The following EXOC6B variants were observed in gnomAD, a reference collection of about 807,000 sequenced individuals.
The protein encoded by EXOC6B is exocyst complex component 6B, also known as SEC15 homolog B.
A neutral mutation model predicts 113.5 loss-of-function variants in EXOC6B; 54 were observed. That is an observed-to-expected ratio of 0.48 (90% CI 0.38 to 0.60). The LOEUF (loss-of-function observed/expected upper bound fraction) is 0.60. Among genes scored for constraint, EXOC6B ranks in the 20% least tolerant of loss-of-function variants. The pLI is 0.00. For synonymous variants in EXOC6B, 357 were observed against 339.0 expected, an observed-to-expected ratio of 1.05 and a Z score of -0.58; for missense variants, 797 against 977.5, an observed-to-expected ratio of 0.82 and a Z score of 2.46.
chr2:72,270,934 C>T (rs1487025022), intron 20 of EXOC6B, among the ~76,000 whole-genome samples: 1 of 152,130 alleles, frequency 6.6e-6, no homozygotes, highest in Non-Finnish European at 1.5e-5. Context: ...TAAATCTCTG[C>T]TCTTTGAATC....
intron 5 of EXOC6B, among the ~76,000 whole-genome samples, chr2:72,720,075 AGTG>A (rs1179545081): frequency 6.6e-6 from 1 of 152,220 alleles, no homozygotes; most frequent in African/African-American, 2.4e-5. Flanking sequence ...TTATAGCAGC[AGTG>A]ACCTCCAGTA....
chr2:72,754,584 T>G (rs1682279900), intron 1 of EXOC6B, among the ~76,000 whole-genome samples: 1 of 151,738 alleles, frequency 6.6e-6, no homozygotes, highest in Non-Finnish European at 1.5e-5. Context: ...TCTAGTTCTA[T>G]GTATTTCATT....
chr2:72,646,417 T>TA (rs1673718540), intron 6 of EXOC6B, among the ~76,000 whole-genome samples: 1 of 151,682 alleles, frequency 6.6e-6, no homozygotes, highest in East Asian at 1.9e-4. Context: ...TTCCAACCAA[T>TA]AAAAAAAGAG....
chr2:72,798,353 A>G (rs1417560538), intron 1 of EXOC6B, among the ~76,000 whole-genome samples: 1 of 152,042 alleles, frequency 6.6e-6, no homozygotes, highest in Non-Finnish European at 1.5e-5. Flanking sequence ...ACCTTAACCA[A>G]ATTCTAATTG....
intron 18 of EXOC6B, among the ~76,000 whole-genome samples, chr2:72,383,834 C>G (rs1384052108): frequency 6.6e-6 from 1 of 152,040 alleles, no homozygotes; most frequent in Non-Finnish European, 1.5e-5. Flanking sequence ...AGAATGAGAT[C>G]ATGTTCTTTG....
In EXOC6B at chr2:72,825,916, G is replaced by C. The variant is rs528707361; in HGVS notation, c.-6C>G. On this transcript the variant is annotated 5_prime_UTR_variant, in exon 1 of 22. Coordinates refer to ENST00000272427, the MANE Select transcript of EXOC6B (RefSeq NM_015189.3). This position sits in a 1 kb window ranked among gnomAD's most constrained non-coding sequence, Gnocchi z 4.4. ...GCCATCTTACCCCGCTCCATAGACT[G>C]GGGGCGCCCCGCAGCGCGTCCCCTC... is the stretch of plus-strand genomic sequence containing the variant. 1 of 1,611,510 alleles carries C rather than the reference G, an allele frequency of 6.2e-7. No homozygotes were observed. The highest frequency in any genetic ancestry group is 1.1e-5 in the South Asian group (1 of 91,040).
At chr2:72,372,354 T>C (rs1233533047) in intron 19 of EXOC6B, among the ~76,000 whole-genome samples, 1 of 152,150 alleles carries the variant, frequency 6.6e-6, no homozygotes, top group African/African-American at 2.4e-5. Context: ...AGACCTAGAA[T>C]GGCCAAAGCT....
intron 18 of EXOC6B, among the ~76,000 whole-genome samples, chr2:72,399,142 A>C (rs1250748431): frequency 6.6e-6 from 1 of 152,176 alleles, no homozygotes. Flanking sequence ...CAAAGATGCA[A>C]AGACAATTCA....
At chr2:72,417,330 G>T (rs1419113536) in intron 18 of EXOC6B, among the ~76,000 whole-genome samples, 1 of 152,072 alleles carries the variant, frequency 6.6e-6, no homozygotes, top group African/African-American at 2.4e-5. Context: ...GCTAATTTTT[G>T]TATTTTTAGT....
intron 20 of EXOC6B, among the ~76,000 whole-genome samples, chr2:72,235,343 G>A (rs760528929): frequency 7.2e-5 from 11 of 152,078 alleles, no homozygotes; most frequent in Non-Finnish European, 1.0e-4. Flanking sequence ...GCTCACTTAG[G>A]AGCTAAATAT....
At chr2:72,518,553 C>T (rs4144318) in intron 8 of EXOC6B, among the ~76,000 whole-genome samples, 126,176 of 151,446 alleles carry the variant, frequency 0.83, 53,480 homozygotes, top group East Asian at 0.99. Context: ...AAAGCTTCTT[C>T]GAAAAATGAT....
chr2:72,615,502 A>C (rs893698862), intron 6 of EXOC6B, among the ~76,000 whole-genome samples: 23 of 151,922 alleles, frequency 1.5e-4, no homozygotes, highest in African/African-American at 5.3e-4. Context: ...ATGGTCAAGT[A>C]ACATTTATGG....
At chr2:72,184,470 G>C (rs959730602) in intron 20 of EXOC6B, among the ~76,000 whole-genome samples, 1 of 152,016 alleles carries the variant, frequency 6.6e-6, no homozygotes, top group Admixed American at 6.6e-5. Flanking sequence ...AAACTAACAC[G>C]GGACTGAATC....
chr2:72,754,540 A>T (rs1371144670), intron 1 of EXOC6B, among the ~76,000 whole-genome samples: 1 of 151,736 alleles, frequency 6.6e-6, no homozygotes, highest in African/African-American at 2.4e-5. Context: ...GCCAAATTTA[A>T]TCTACAATAA....
chr2:72,785,014 C>T (rs1295182492), intron 1 of EXOC6B, among the ~76,000 whole-genome samples: 1 of 152,176 alleles, frequency 6.6e-6, no homozygotes, highest in Non-Finnish European at 1.5e-5. Context: ...TGGGTAAATG[C>T]AGCCATTCCA....
chr2:72,735,388 T>A (rs764946790), intron 2 of EXOC6B, among the ~76,000 whole-genome samples: 11 of 152,230 alleles, frequency 7.2e-5, no homozygotes, highest in Non-Finnish European at 1.5e-4. Flanking sequence ...TCTCTTGTTT[T>A]CTATTCAATT....
intron 6 of EXOC6B, among the ~76,000 whole-genome samples, chr2:72,611,933 C>CA (rs1370391069): frequency 1.3e-5 from 2 of 151,950 alleles, no homozygotes; most frequent in South Asian, 2.1e-4. Flanking sequence ...ACTATACTGA[C>CA]AAAAAAGCAT....
intron 6 of EXOC6B, among the ~76,000 whole-genome samples, chr2:72,713,491 T>TTACATATGTATACATGTGTA (rs1679401575): frequency 6.6e-6 from 1 of 152,112 alleles, no homozygotes; most frequent in African/African-American, 2.4e-5. Context: ...TGCAGGTTAG[T>TTACATATGTATACATGTGTA]TACATATGTA....
intron 15 of EXOC6B, among the ~76,000 whole-genome samples, chr2:72,493,478 T>C (rs1699869855): frequency 6.6e-6 from 1 of 151,968 alleles, no homozygotes; most frequent in East Asian, 1.9e-4. Context: ...AAAAAAACCA[T>C]ATCAGAAGTG....
Sources: allele counts gnomAD v4.1 joint callset (sites outside exome capture counted in the v4.1 genomes callset), GRCh38; gene constraint gnomAD v4.1.1; non-coding constraint Gnocchi (gnomAD v3.1); transcripts MANE v1.5; gene names NCBI Gene and HGNC (gene_info 2026-07-23, HGNC 2026-07-21).